Variants in ANKS1B observed in about 807,000 individuals in gnomAD.
ANKS1B encodes ankyrin repeat and sterile alpha motif domain-containing protein 1B.
A neutral mutation model predicts 148.3 loss-of-function variants in ANKS1B; 36 were observed. The ratio of observed to expected loss-of-function variants is 0.24; its 90% CI spans 0.19 to 0.32. The LOEUF is 0.32. ANKS1B is among the 10% of genes least tolerant of loss of function. ANKS1B has a pLI of 1.00. For synonymous variants in ANKS1B, 542 were observed against 560.8 expected, an observed-to-expected ratio of 0.97 and a Z score of 0.47; for missense variants, 1,157 against 1,542.6, an observed-to-expected ratio of 0.75 and a Z score of 4.19.
chr12:99,145,470 G>A (rs1203206874), intron 15 of ANKS1B, among the ~76,000 whole-genome samples: 1 of 152,032 alleles, frequency 6.6e-6, no homozygotes, highest in Non-Finnish European at 1.5e-5. Flanking sequence ...CTTGAGGTAG[G>A]TCTTCCTTGA....
At chr12:99,283,273 A>G (rs1046858000) in intron 12 of ANKS1B, among the ~76,000 whole-genome samples, 1 of 152,206 alleles carries the variant, frequency 6.6e-6, no homozygotes, top group Admixed American at 6.6e-5. Flanking sequence ...GGTAGATGCC[A>G]GATTTCTCAT....
At chr12:99,896,642 C>T (rs1219638680) in intron 1 of ANKS1B, among the ~76,000 whole-genome samples, 3 of 151,156 alleles carry the variant, frequency 2.0e-5, no homozygotes, top group Admixed American at 6.6e-5. Context: ...CTGGATCACA[C>T]CTCATCCTTT....
At chr12:99,158,185 C>T (rs1177504677) in intron 14 of ANKS1B, among the ~76,000 whole-genome samples, 1 of 152,166 alleles carries the variant, frequency 6.6e-6, no homozygotes, top group Non-Finnish European at 1.5e-5. Flanking sequence ...GTCTGAAGAT[C>T]ACTCTGTAAC....
chr12:98,987,521 G>A (rs1392161187), intron 17 of ANKS1B, among the ~76,000 whole-genome samples: 2 of 152,202 alleles, frequency 1.3e-5, no homozygotes, highest in East Asian at 1.9e-4. Context: ...GTGACCAGGA[G>A]TAACATTTTA....
intron 12 of ANKS1B, among the ~76,000 whole-genome samples, chr12:99,316,422 T>C (rs2084110025): frequency 6.6e-6 from 1 of 152,226 alleles, no homozygotes; most frequent in Non-Finnish European, 1.5e-5. Flanking sequence ...TGATACCCAG[T>C]GATGATAAGC....
Position 98,773,154 on chromosome 12 carries a change from C to T in ANKS1B, c.3467G>A (p.Arg1156His), listed in dbSNP as rs2098612791. 2 of 1,609,122 alleles carry T rather than the reference C, an allele frequency of 1.2e-6. No homozygotes were observed. The highest frequency in any genetic ancestry group is 1.7e-6 in the Non-Finnish European group (2 of 1,178,444). The change falls in exon 25 of 27, where the codon CGT becomes CAT. Residue 1156 changes from arginine (R) to histidine (H), a missense_variant. Arg to His is a conservative substitution (Grantham distance 29). This residue lies in a region of ANKS1B where 258 missense variants were observed against 497.0 expected (regional missense o/e 0.52). Coordinates refer to ENST00000683438, the MANE Select transcript of ANKS1B (RefSeq NM_001352186.2). The part of the protein sequence containing the change: ...NKNIIAEHEI[R>H]NISCAAQDPE... ...GTCCTGGGCAGCACAGGAGATATTA[C>T]GAATTTCATGCTCAGCAATTATGTT...
Position 98,801,745 on chromosome 12 carries a change from A to G in ANKS1B, c.3142-620T>C, listed in dbSNP as rs1406488459. Among the ~76,000 whole-genome samples, 1 of 152,232 alleles carries G rather than the reference A, an allele frequency of 6.6e-6. No individual in the cohort carries two copies. Among genetic ancestry groups the G allele is most frequent in the African/African-American group, 2.4e-5 (1 of 41,454 alleles). On this transcript the variant is annotated intron_variant, in intron 20 of 26. Coordinates refer to ENST00000683438, the MANE Select transcript of ANKS1B (RefSeq NM_001352186.2). This position sits in a 1 kb window ranked among gnomAD's most constrained non-coding sequence, Gnocchi z 5.2. ...TTTTCTCAGAAAACCTAACGTACCA[A>G]TGAAGACTAAACAGTGAAATGCCAA...
At chr12:99,441,009 T>C (rs1035795544) in intron 11 of ANKS1B, among the ~76,000 whole-genome samples, 6 of 151,862 alleles carry the variant, frequency 4.0e-5, no homozygotes, top group Non-Finnish European at 8.8e-5. Flanking sequence ...AAGGGTCACA[T>C]TTACATTTTT....
intron 9 of ANKS1B, among the ~76,000 whole-genome samples, chr12:99,621,502 C>T (rs2098050014): frequency 6.7e-6 from 1 of 149,522 alleles, no homozygotes; most frequent in Non-Finnish European, 1.5e-5. Context: ...CTGCTATCTT[C>T]AAGAGAGACA....
At chr12:99,544,255 C>T (rs116000469) in intron 9 of ANKS1B, among the ~76,000 whole-genome samples, 2,111 of 152,168 alleles carry the variant, frequency 0.014, 42 homozygotes, top group African/African-American at 0.047. Flanking sequence ...ATAAGTTATA[C>T]CAGTTATGAA....
At chr12:99,963,132 CGT>C (rs1412286971) in intron 1 of ANKS1B, among the ~76,000 whole-genome samples, 1 of 152,128 alleles carries the variant, frequency 6.6e-6, no homozygotes, top group Non-Finnish European at 1.5e-5. Flanking sequence ...CTTTTTTACC[CGT>C]GTGTTGGCCA....
At chr12:98,871,263 T>C (rs911931709) in intron 17 of ANKS1B, among the ~76,000 whole-genome samples, 4 of 152,240 alleles carry the variant, frequency 2.6e-5, no homozygotes, top group Admixed American at 1.3e-4. Context: ...CTATCATCCA[T>C]AATTTTCTCT....
chr12:99,440,026 G>C (rs1277529298), intron 11 of ANKS1B, among the ~76,000 whole-genome samples: 1 of 151,672 alleles, frequency 6.6e-6, no homozygotes, highest in Non-Finnish European at 1.5e-5. Flanking sequence ...AACCCAAACA[G>C]TGATACGCAC....
intron 12 of ANKS1B, among the ~76,000 whole-genome samples, chr12:99,282,605 G>A (rs2078623178): frequency 6.6e-6 from 1 of 152,150 alleles, no homozygotes; most frequent in Admixed American, 6.5e-5. Context: ...CATTAGGTAT[G>A]CAGCTAGTGA....
chr12:98,764,525 G>T (rs1450694872), intron 25 of ANKS1B, among the ~76,000 whole-genome samples: 1 of 152,208 alleles, frequency 6.6e-6, no homozygotes, highest in Non-Finnish European at 1.5e-5. Flanking sequence ...ACCGCGCCTG[G>T]CTTCTTCACT....
intron 9 of ANKS1B, among the ~76,000 whole-genome samples, chr12:99,524,220 GA>G (rs1439351412): frequency 6.6e-6 from 1 of 152,074 alleles, no homozygotes; most frequent in Non-Finnish European, 1.5e-5. Flanking sequence ...GAAATCAGAA[GA>G]AAAATAACTT....
At chr12:99,438,618 C>G (rs1021522433) in intron 11 of ANKS1B, among the ~76,000 whole-genome samples, 9 of 151,822 alleles carry the variant, frequency 5.9e-5, no homozygotes, top group Non-Finnish European at 1.3e-4. Flanking sequence ...AATTCTTTAT[C>G]CAAAGTGTCT....
chr12:99,750,877 A>T (rs933326243), intron 8 of ANKS1B, among the ~76,000 whole-genome samples: 3 of 152,122 alleles, frequency 2.0e-5, no homozygotes, highest in East Asian at 3.9e-4. Flanking sequence ...TAAGAAATAA[A>T]CTTCCATTAT....
intron 15 of ANKS1B, among the ~76,000 whole-genome samples, chr12:99,116,729 C>A (rs967028587): frequency 4.6e-5 from 7 of 151,750 alleles, no homozygotes; most frequent in African/African-American, 1.7e-4. Flanking sequence ...TTTTCTAATT[C>A]TGTGAAGAAA....
Sources: allele counts gnomAD v4.1 joint callset (sites outside exome capture counted in the v4.1 genomes callset), GRCh38; gene constraint gnomAD v4.1.1; regional missense constraint gnomAD v4.1.1; non-coding constraint Gnocchi (gnomAD v3.1); transcripts MANE v1.5; gene names NCBI Gene and HGNC (gene_info 2026-07-23, HGNC 2026-07-21).